Variants in AGBL1 observed in about 807,000 individuals in gnomAD.
AGBL1 encodes AGBL carboxypeptidase 1.
Under a neutral mutation model 118.9 loss-of-function variants are expected in AGBL1, and 130 were observed. That is an observed-to-expected ratio of 1.09 (90% CI 0.95 to 1.26). AGBL1 has a LOEUF of 1.26. Among genes scored for constraint, AGBL1 ranks in the 50% most tolerant of loss-of-function variants. AGBL1 has a pLI of 0.00. For missense variants in AGBL1, 1,584 were observed against 1,298.1 expected, an observed-to-expected ratio of 1.22 and a Z score of -3.38; for synonymous variants, 555 against 478.9, an observed-to-expected ratio of 1.16 and a Z score of -2.08.
chr15:86,694,600 C>G (rs1198700732), intron 22 of AGBL1, among the ~76,000 whole-genome samples: 1 of 152,004 alleles, frequency 6.6e-6, no homozygotes, highest in Non-Finnish European at 1.5e-5. Flanking sequence ...TTTCTCTTGT[C>G]TGATTGCTCT....
At chr15:87,014,561 T>G (rs1187394162) in intron 24 of AGBL1, among the ~76,000 whole-genome samples, 16 of 152,168 alleles carry the variant, frequency 1.1e-4, no homozygotes, top group Admixed American at 1.0e-3. Context: ...CAACATTAGA[T>G]CTAGGCGAGT....
intron 24 of AGBL1, among the ~76,000 whole-genome samples, chr15:87,017,458 G>C (rs2081618214): frequency 6.6e-6 from 1 of 151,990 alleles, no homozygotes; most frequent in Non-Finnish European, 1.5e-5. Context: ...CTGTTTTGCA[G>C]CCTTCACTGA....
At chr15:86,345,519 C>T (rs185088671) in intron 17 of AGBL1, among the ~76,000 whole-genome samples, 1 of 152,150 alleles carries the variant, frequency 6.6e-6, no homozygotes, top group African/African-American at 2.4e-5. Flanking sequence ...CAAAGAAGTA[C>T]CTCTAACTGT....
chr15:86,975,355 A>C (rs72757466), intron 23 of AGBL1, among the ~76,000 whole-genome samples: 6,085 of 151,992 alleles, frequency 0.04, 153 homozygotes, highest in Middle Eastern at 0.068. Context: ...CTTTATACAA[A>C]AATCAGATCT....
chr15:86,631,202 G>A (rs2084958343), intron 21 of AGBL1: 1 of 152,238 alleles, frequency 6.6e-6, no homozygotes, highest in African/African-American at 2.4e-5. Flanking sequence ...CCTGAGAAGG[G>A]AGGAGTTATT....
intron 22 of AGBL1, among the ~76,000 whole-genome samples, chr15:86,718,765 G>A (rs1475201455): frequency 6.6e-6 from 1 of 151,946 alleles, no homozygotes; most frequent in Non-Finnish European, 1.5e-5. Context: ...GGAAATGAAG[G>A]ACTTTTTTAA....
intron 5 of AGBL1, among the ~76,000 whole-genome samples, chr15:86,216,668 C>T (rs1474804308): frequency 6.6e-6 from 1 of 152,174 alleles, no homozygotes; most frequent in African/African-American, 2.4e-5. Context: ...GTTTGCTCCA[C>T]ATGGCTTTCT....
At position 86,727,729 on chromosome 15, in the gene AGBL1, ACT is replaced by A. The variant is rs143766216; in HGVS notation, c.3158+53296_3158+53297del. Among the ~76,000 whole-genome samples, 934 of 152,286 alleles carry A rather than the reference ACT, an allele frequency of 6.1e-3. 11 individuals carry two copies. Among genetic ancestry groups the A allele is most frequent in the African/African-American group, 0.021 (885 of 41,570 alleles). On this transcript the variant is annotated intron_variant, in intron 22 of 22. Coordinates refer to ENST00000614907, the MANE Select transcript of AGBL1 (RefSeq NM_001386094.1). Reference sequence around the variant, plus strand: ...TTAATTCTGATTTCTCAATTTAAAGACTCTAAGGAGAAATCAATTTATAGACT... The same window carrying A: ...TTAATTCTGATTTCTCAATTTAAAGACTAAGGAGAAATCAATTTATAGACT...
At chr15:86,549,508 G>A (rs1233999990) in intron 20 of AGBL1, among the ~76,000 whole-genome samples, 3 of 151,974 alleles carry the variant, frequency 2.0e-5, no homozygotes, top group African/African-American at 7.3e-5. Flanking sequence ...ATCCAGGAAA[G>A]TAGTTAAAAA....
At chr15:86,083,621 C>T (rs1425220382) in intron 1 of AGBL1, 1 of 152,182 alleles carries the variant, frequency 6.6e-6, no homozygotes, top group Admixed American at 6.5e-5. Context: ...AGCCATGGAA[C>T]TTAGATAACC....
At position 86,308,031 on chromosome 15, in the gene AGBL1, C is replaced by A. The variant is rs2079866880; in HGVS notation, c.2374+12623C>A. Among the ~76,000 whole-genome samples the A allele has an allele frequency of 2.0e-5, 3 of 152,104 alleles. 1 individual carries two copies. The South Asian group carries it at 6.2e-4, about 32-fold the overall frequency. ...CACATATTTATATATCTCTGACCAT[C>A]TACTATTGAGTTTGCCTGTTTGGGA... On this transcript the variant is annotated intron_variant, in intron 17 of 22. Transcript: ENST00000614907.
intron 18 of AGBL1, among the ~76,000 whole-genome samples, chr15:86,466,902 C>T (rs1220576070): frequency 6.6e-6 from 1 of 152,184 alleles, no homozygotes; most frequent in Non-Finnish European, 1.5e-5. Flanking sequence ...CAGATGCCAG[C>T]CAGAGCTCTC....
rs1422985433 is a variant in AGBL1 at position 86,912,001 on chromosome 15, T to A, written c.*4707T>A. 6.6e-6 allele frequency: 1 copy of A among 152,206 alleles called. No homozygotes were observed. The highest frequency in any genetic ancestry group is 1.5e-5 in the Non-Finnish European group (1 of 68,036). 9.4% of individuals were successfully genotyped at this position (152,206 alleles called of 1,614,324 possible). ...CATCTGTCCCTATACCTATCATACT[T>A]CTTAACACATTGCAGGTGTTCAAAA... On this transcript the variant is annotated 3_prime_UTR_variant, in exon 23 of 23. Transcript: ENST00000614907.
chr15:86,780,775 T>C (rs1023671277), intron 22 of AGBL1, among the ~76,000 whole-genome samples: 3 of 151,784 alleles, frequency 2.0e-5, no homozygotes, highest in African/African-American at 7.3e-5. Context: ...GCAATTCTCC[T>C]GCCTCAGTCT....
chr15:86,667,782 A>G (rs1451128145), intron 21 of AGBL1, among the ~76,000 whole-genome samples: 1 of 151,942 alleles, frequency 6.6e-6, no homozygotes, highest in African/African-American at 2.4e-5. Flanking sequence ...CTTTTCCCTA[A>G]TCTCTTCTAA....
At chr15:86,825,101 G>A (rs141986606) in intron 22 of AGBL1, among the ~76,000 whole-genome samples, 1,777 of 151,742 alleles carry the variant, frequency 0.012, 24 homozygotes, top group Middle Eastern at 0.055. Flanking sequence ...CAGAAAAACA[G>A]AATTCAGAAC....
chr15:86,736,782 G>T (rs937516728), intron 22 of AGBL1, among the ~76,000 whole-genome samples: 1 of 152,094 alleles, frequency 6.6e-6, no homozygotes, highest in Non-Finnish European at 1.5e-5. Flanking sequence ...TTAATACCTG[G>T]CTTTTAGACA....
chr15:86,413,783 G>C (rs113751427), intron 18 of AGBL1, among the ~76,000 whole-genome samples: 1 of 151,734 alleles, frequency 6.6e-6, no homozygotes, highest in Non-Finnish European at 1.5e-5. Context: ...GTCCCTTTTC[G>C]GATGGATAGT....
rs139187949 is a variant in AGBL1 at position 86,210,855 on chromosome 15, G to T, written c.489-14059G>T. On this transcript the variant is annotated intron_variant, in intron 5 of 22. Transcript: ENST00000614907. ...GTCATTCTCCGTCCAGGTTTGTTCCGTTGTTGGTGAGGAGCTGCAATCCTT... is the reference window on the plus strand; with the variant it reads ...GTCATTCTCCGTCCAGGTTTGTTCCTTTGTTGGTGAGGAGCTGCAATCCTT... Among the ~76,000 whole-genome samples the T allele has an allele frequency of 5.7e-4, 87 of 152,244 alleles. 1 individual carries two copies. The East Asian group carries it at 0.015, about 26-fold the overall frequency.
Sources: allele counts gnomAD v4.1 joint callset (sites outside exome capture counted in the v4.1 genomes callset), GRCh38; gene constraint gnomAD v4.1.1; transcripts MANE v1.5; gene names NCBI Gene and HGNC (gene_info 2026-07-23, HGNC 2026-07-21).